Variants in ZFR2 observed in about 807,000 individuals in gnomAD.
The protein encoded by ZFR2 is zinc finger RNA binding protein 2, also known as zinc finger RNA-binding protein 2.
A neutral mutation model predicts 105.7 loss-of-function variants in ZFR2; 104 were observed. The ratio of observed to expected loss-of-function variants is 0.98; its 90% CI spans 0.84 to 1.16. ZFR2 has a LOEUF of 1.16. Among genes scored for constraint, ZFR2 ranks in the 50% most tolerant of loss-of-function variants. The probability of loss-of-function intolerance (pLI) is 0.00; values close to 1 mark genes in which losing one functional copy is unlikely to be tolerated. For synonymous variants in ZFR2, 634 were observed against 597.7 expected (o/e 1.06, Z -0.89); for missense variants, 1,425 against 1,355.5 (o/e 1.05, Z -0.80).
intron 1 of ZFR2, among the ~76,000 whole-genome samples, chr19:3,866,365 G>T (rs915967937): frequency 6.6e-6 from 1 of 151,736 alleles, no homozygotes. Context: ...TTCTAAGGAC[G>T]GACTAACTCA....
intron 1 of ZFR2, among the ~76,000 whole-genome samples, chr19:3,865,121 C>T (rs753883985): frequency 6.6e-6 from 1 of 152,008 alleles, no homozygotes; most frequent in Non-Finnish European, 1.5e-5. Context: ...TTCTGAAGAC[C>T]TGCAGCACTA....
intron 16 of ZFR2, 108 bp from the exon 17 acceptor site, chr19:3,809,091 C>T: frequency 1.3e-6 from 1 of 793,516 alleles, no homozygotes; most frequent in Non-Finnish European, 1.9e-6. Context: ...AGCTCTTTCT[C>T]TAACTCCCAC....
In ZFR2 at chr19:3,823,215, G is replaced by A. The variant is rs375011607; in HGVS notation, c.1371+31C>T. On this transcript the variant is annotated intron_variant, in intron 8 of 18. Transcript: ENST00000262961. The surrounding 1 kb of genome is among the most constrained non-coding windows in gnomAD (Gnocchi z 5.4). ...TCCATGGGAAGGTCCTTCCCTGACC[G>A]GGGCACCAGGACTTGACAGCCTCGA... The A allele has an allele frequency of 7.8e-4, 1,252 of 1,613,470 alleles. 1 individual carries two copies. Among genetic ancestry groups the A allele is most frequent in the Non-Finnish European group, 8.8e-4 (1,035 of 1,179,808 alleles).
At chr19:3,854,968 C>G (rs925686314) in intron 1 of ZFR2, among the ~76,000 whole-genome samples, 1 of 152,186 alleles carries the variant, frequency 6.6e-6, no homozygotes, top group Non-Finnish European at 1.5e-5. Flanking sequence ...CTTTGTTGCC[C>G]AGGCTGGTCT....
chr19:3,849,834 G>A lies in ZFR2; in HGVS notation c.54-14851C>T, dbSNP rs748685231. Among the ~76,000 whole-genome samples the A allele has an allele frequency of 8.5e-5, 13 of 152,338 alleles. No individual in the cohort carries two copies. The East Asian group carries it at 1.3e-3, about 16-fold the overall frequency. On this transcript the variant is annotated intron_variant, in intron 1 of 18. Transcript: ENST00000262961. ...AGTTTGGAATCCACTGAGCCAGGGC[G>A]CAGGGAAAATGGATGTGCGACCAAC...
At chr19:3,864,824 T>G (rs923126812) in intron 1 of ZFR2, among the ~76,000 whole-genome samples, 1 of 152,194 alleles carries the variant, frequency 6.6e-6, no homozygotes, top group African/African-American at 2.4e-5. Context: ...CTCAGCTCAC[T>G]GTGACCTCCA....
In ZFR2 at chr19:3,811,257, C is replaced by T. The variant is rs1204398833; in HGVS notation, c.2337+15G>A. The T allele has an allele frequency of 1.9e-6, 3 of 1,560,908 alleles. No individual in the cohort carries two copies. Among genetic ancestry groups the T allele is most frequent in the Non-Finnish European group, 2.6e-6 (3 of 1,154,408 alleles). ...AGTCACCCCTCTCCCCCTGCTCCAC[C>T]CCTGCCCCCCTGACCTGAAACCACC... On this transcript the variant is annotated intron_variant, in intron 15 of 18. Coordinates refer to ENST00000262961, the MANE Select transcript of ZFR2 (RefSeq NM_015174.2).
chr19:3,863,718 C>T (rs1402869129), intron 1 of ZFR2, among the ~76,000 whole-genome samples: 1 of 152,188 alleles, frequency 6.6e-6, no homozygotes, highest in African/African-American at 2.4e-5. Context: ...ACAGGCGCAA[C>T]CTCTAAGCTG....
At chr19:3,837,239 G>A (rs747418456) in intron 1 of ZFR2, among the ~76,000 whole-genome samples, 4 of 152,206 alleles carry the variant, frequency 2.6e-5, no homozygotes, top group Non-Finnish European at 4.4e-5. Context: ...CTGGCTTCAA[G>A]CATTCATTCC....
intron 14 of ZFR2, 95 bp from the exon 15 acceptor site, chr19:3,811,461 T>C (rs867365400): frequency 0.1 from 51,555 of 509,664 alleles, 206 homozygotes; most frequent in East Asian, 0.16. Context: ...CCCTCGACGC[T>C]TTTTTTTTTT....
chr19:3,829,472 G>A (rs2145156626), intron 5 of ZFR2, among the ~76,000 whole-genome samples: 1 of 152,132 alleles, frequency 6.6e-6, no homozygotes, highest in South Asian at 2.1e-4. Context: ...GTGTGTGTGT[G>A]TGTGTGTGTT....
rs1446182006 is a variant in ZFR2 at position 3,822,209 on chromosome 19, CAG to C, written c.1372-11_1372-10del. 12 of 1,578,536 alleles carry C rather than the reference CAG, an allele frequency of 7.6e-6. No homozygotes were observed. Among genetic ancestry groups the C allele is most frequent in the Admixed American group, 1.8e-5 (1 of 54,670 alleles). Reference sequence around the variant, plus strand: ...CCTTCGTCGCTGAACACCTGAGACACAGAACAGCCGCACGCGCACCAGGCACG... The same window carrying C: ...CCTTCGTCGCTGAACACCTGAGACACAACAGCCGCACGCGCACCAGGCACG... On this transcript the variant is annotated splice_polypyrimidine_tract_variant and intron_variant, in intron 8 of 18. Coordinates refer to ENST00000262961, the MANE Select transcript of ZFR2 (RefSeq NM_015174.2).
At chr19:3,814,158 G>A (rs995236564) in intron 13 of ZFR2, among the ~76,000 whole-genome samples, 200 bp from the exon 14 acceptor site, 2 of 152,150 alleles carry the variant, frequency 1.3e-5, no homozygotes, top group Admixed American at 6.5e-5. Context: ...GTGCACACAT[G>A]TAGAGATATG....
chr19:3,811,185 G>C, intron 15 of ZFR2, 87 bp downstream of exon 15: 1 of 1,330,448 alleles, frequency 7.5e-7, no homozygotes, highest in Non-Finnish European at 1.0e-6. Context: ...ACGGGGCTGA[G>C]GCGGCCGCGC....
Position 3,827,641 on chromosome 19 carries a change from G to A in ZFR2, c.865C>T (p.His289Tyr). Reference sequence around the variant, plus strand: ...TTTCTGTGCTTCTGCCCTCCCAGATGTTCCCGGTAGGTCTGCGGCAAGGGG... The same window carrying A: ...TTTCTGTGCTTCTGCCCTCCCAGATATTCCCGGTAGGTCTGCGGCAAGGGG... ...SCAGPQTYREHLGGQKHRKKE... is the reference protein window; with the variant it reads ...SCAGPQTYREYLGGQKHRKKE... The change falls in exon 6 of 19, where the codon CAT becomes TAT. Residue 289 changes from histidine to tyrosine, a missense_variant. Coordinates refer to ENST00000262961, the MANE Select transcript of ZFR2 (RefSeq NM_015174.2). 1.3e-6 allele frequency: 2 copies of A among 1,580,624 alleles called. No individual in the cohort carries two copies. Among genetic ancestry groups the A allele is most frequent in the Non-Finnish European group, 1.7e-6 (2 of 1,163,720 alleles).
intron 13 of ZFR2, among the ~76,000 whole-genome samples, chr19:3,815,061 A>T (rs538262610): frequency 6.6e-6 from 1 of 152,296 alleles, no homozygotes; most frequent in East Asian, 1.9e-4. Context: ...GGAAGAAGGA[A>T]CGACTCTGGG....
chr19:3,813,859 T>C lies in ZFR2; in HGVS notation c.2203A>G (p.Thr735Ala). ...EPRMQVTISV[T>A]SPLMREDPST... ...GGGTCCTCCCGCATCAGAGGTGAGG[T>C]GACAGATATGGTGACCTGCATCCTG... The change falls in exon 14 of 19, where the codon ACC (threonine) becomes GCC (alanine). Residue 735 changes from threonine (T) to alanine (A), a missense_variant. Physicochemically the swap from Thr to Ala is moderately conservative, Grantham distance 58 (BLOSUM62 0). Transcript: ENST00000262961. This position sits in a 1 kb window ranked among gnomAD's most constrained non-coding sequence, Gnocchi z 4.4. 3 of 1,613,716 alleles carry C rather than the reference T, an allele frequency of 1.9e-6. No homozygotes were observed. Among genetic ancestry groups the C allele is most frequent in the Non-Finnish European group, 2.5e-6 (3 of 1,179,830 alleles).
chr19:3,812,349 G>A (rs2037774677), intron 14 of ZFR2, among the ~76,000 whole-genome samples: 1 of 152,112 alleles, frequency 6.6e-6, no homozygotes, highest in South Asian at 2.1e-4. Flanking sequence ...AAAAGTGCTG[G>A]GATTAGAGAG....
chr19:3,840,118 C>CTT (rs2038120429), intron 1 of ZFR2, among the ~76,000 whole-genome samples: 1 of 152,202 alleles, frequency 6.6e-6, no homozygotes, highest in African/African-American at 2.4e-5. Context: ...TTAACTCCTT[C>CTT]TTCCCTACGC....
Sources: allele counts gnomAD v4.1 joint callset (sites outside exome capture counted in the v4.1 genomes callset), GRCh38; gene constraint gnomAD v4.1.1; non-coding constraint Gnocchi (gnomAD v3.1); transcripts MANE v1.5; gene names NCBI Gene and HGNC (gene_info 2026-07-23, HGNC 2026-07-21).